Variants in SORBS2 observed in about 807,000 individuals in gnomAD.
SORBS2 encodes sorbin and SH3 domain-containing protein 2.
Under a neutral mutation model 97.7 loss-of-function variants are expected in SORBS2, and 46 were observed. The ratio of observed to expected loss-of-function variants is 0.47; its 90% CI spans 0.37 to 0.60. The LOEUF (loss-of-function observed/expected upper bound fraction) is 0.60, where lower values mean the gene tolerates loss of function less well. Ranked by LOEUF, SORBS2 falls within the 20% of genes least tolerant of loss-of-function variation. The pLI is 0.00. For missense variants in SORBS2, 1,316 were observed against 1,282.3 expected, an observed-to-expected ratio of 1.03 and a Z score of -0.40; for synonymous variants, 476 against 473.4, an observed-to-expected ratio of 1.01 and a Z score of -0.07.
chr4:185,884,465 A>G (rs1000316351), intron 1 of SORBS2, among the ~76,000 whole-genome samples: 1 of 152,226 alleles, frequency 6.6e-6, no homozygotes, highest in African/African-American at 2.4e-5. Flanking sequence ...TTAAAATAAA[A>G]AAGTTTTATT....
At chr4:185,843,520 T>C (rs1341147717) in intron 1 of SORBS2, among the ~76,000 whole-genome samples, 1 of 152,052 alleles carries the variant, frequency 6.6e-6, no homozygotes, top group Non-Finnish European at 1.5e-5. Flanking sequence ...TAAGTAAATA[T>C]AGAAAAATCA....
At chr4:185,612,001 A>G in intron 11 of SORBS2, 21 bp from the exon 24 acceptor site, 1 of 1,384,174 alleles carries the variant, frequency 7.2e-7, no homozygotes, top group Non-Finnish European at 1.0e-6. Context: ...TATGAGAAAA[A>G]TGCATTAGAA....
At chr4:185,851,229 C>A (rs1488773707) in intron 1 of SORBS2, among the ~76,000 whole-genome samples, 1 of 152,160 alleles carries the variant, frequency 6.6e-6, no homozygotes, top group Non-Finnish European at 1.5e-5. Flanking sequence ...TTGCCTCTGA[C>A]ATGGCTATTG....
At chr4:185,798,223 C>G (rs766535921) in intron 1 of SORBS2, among the ~76,000 whole-genome samples, 1 of 152,184 alleles carries the variant, frequency 6.6e-6, no homozygotes, top group Non-Finnish European at 1.5e-5. Flanking sequence ...ATCCTCCCAC[C>G]ACTCTTTAGG....
intron 2 of SORBS2, 131 bp downstream of exon 4, chr4:185,690,431 T>C: frequency 4.1e-6 from 2 of 489,108 alleles, no homozygotes; most frequent in Non-Finnish European, 7.2e-6. Context: ...AAGTAATGAA[T>C]CTATGCTATG....
intron 2 of SORBS2, among the ~76,000 whole-genome samples, chr4:185,691,458 CT>C (rs1184092407): frequency 1.3e-5 from 2 of 152,142 alleles, no homozygotes; most frequent in Non-Finnish European, 2.9e-5. Context: ...GTTAAGTGTC[CT>C]CTTCCAGAGT....
intron 4 of SORBS2, among the ~76,000 whole-genome samples, chr4:185,639,282 G>A (rs2097089021): frequency 6.6e-6 from 1 of 152,202 alleles, no homozygotes; most frequent in South Asian, 2.1e-4. Context: ...AGGGGATCTG[G>A]TTCTTCACAA....
rs1043685429 is a variant in SORBS2, at chr4:185,751,073, T to C, written c.-198+24154A>G. Reference sequence around the variant, plus strand: ...AACATACCACACGAAAAGTTCATGATACAGGATTTAAACAAGGGCTCAACA... The same window carrying C: ...AACATACCACACGAAAAGTTCATGACACAGGATTTAAACAAGGGCTCAACA... On this transcript the variant is annotated intron_variant, in intron 2 of 20. Coordinates refer to the SORBS2 transcript ENST00000284776. 3.3e-5 allele frequency among the ~76,000 whole-genome samples: 5 copies of C among 150,064 alleles called. No homozygotes were observed. The East Asian group carries it at 7.8e-4, about 23-fold the overall frequency.
chr4:185,870,295 A>G (rs974491648), intron 1 of SORBS2, among the ~76,000 whole-genome samples: 1 of 152,206 alleles, frequency 6.6e-6, no homozygotes, highest in African/African-American at 2.4e-5. Flanking sequence ...TCTTCAGGAG[A>G]CGAGACACTG....
intron 2 of SORBS2, among the ~76,000 whole-genome samples, chr4:185,715,370 C>G (rs1202878067): frequency 3.3e-5 from 5 of 151,558 alleles, no homozygotes; most frequent in Non-Finnish European, 7.4e-5. Context: ...CTCCTGTACC[C>G]CAAGGAGATA....
intron 2 of SORBS2, among the ~76,000 whole-genome samples, chr4:185,709,304 C>CT (rs70962587): frequency 0.018 from 1,789 of 96,794 alleles, 127 homozygotes; most frequent in African/African-American, 0.066. Context: ...CTGGCCAAAT[C>CT]TTTTTTTTTT....
chr4:185,675,691 T>A (rs771930212), intron 4 of SORBS2, among the ~76,000 whole-genome samples: 6 of 152,224 alleles, frequency 3.9e-5, no homozygotes, highest in Non-Finnish European at 8.8e-5. Flanking sequence ...AGTGCCTGCA[T>A]AGAGTAAGGC....
intron 6 of SORBS2, 32 bp from the exon 19 acceptor site, chr4:185,624,526 G>A (rs368080672): frequency 4.4e-5 from 68 of 1,555,494 alleles, no homozygotes; most frequent in Non-Finnish European, 5.0e-5. Flanking sequence ...GTAGAAGAGA[G>A]ACATTTGGAG....
At chr4:185,907,912 G>A (rs1046500237) in intron 1 of SORBS2, among the ~76,000 whole-genome samples, 11 of 152,044 alleles carry the variant, frequency 7.2e-5, no homozygotes, top group African/African-American at 2.7e-4. Context: ...ACAATTGTCT[G>A]CCTTTAAGAG....
intron 12 of SORBS2, among the ~76,000 whole-genome samples, chr4:185,610,247 G>A (rs2096511802): frequency 6.6e-6 from 1 of 152,168 alleles, no homozygotes; most frequent in Admixed American, 6.5e-5. Flanking sequence ...TGAAGGTACA[G>A]TTGCTTTGAA....
intron 2 of SORBS2, among the ~76,000 whole-genome samples, chr4:185,760,535 C>A (rs544066507): frequency 4.3e-4 from 65 of 152,280 alleles, no homozygotes; most frequent in Non-Finnish European, 6.6e-4. Flanking sequence ...TGCGCTCCAG[C>A]CTGGGCAACA....
At chr4:185,907,067 C>T (rs923387847) in intron 1 of SORBS2, among the ~76,000 whole-genome samples, 2 of 150,384 alleles carry the variant, frequency 1.3e-5, no homozygotes, top group Non-Finnish European at 2.9e-5. Flanking sequence ...ACCTTGGAGG[C>T]AGAGGTTGCA....
At chr4:185,683,651 G>A (rs946988923) in intron 2 of SORBS2, among the ~76,000 whole-genome samples, 5 of 152,020 alleles carry the variant, frequency 3.3e-5, no homozygotes, top group African/African-American at 9.7e-5. Flanking sequence ...ACCTTGCAAT[G>A]CATCTTGCAT....
chr4:185,600,308 C>G (rs73020259), intron 12 of SORBS2, among the ~76,000 whole-genome samples: 1 of 152,080 alleles, frequency 6.6e-6, no homozygotes, highest in Non-Finnish European at 1.5e-5. Flanking sequence ...AGGGAAGAGG[C>G]CAAGAACATA....
Sources: allele counts gnomAD v4.1 joint callset (sites outside exome capture counted in the v4.1 genomes callset), GRCh38; gene constraint gnomAD v4.1.1; transcripts MANE v1.5; gene names NCBI Gene and HGNC (gene_info 2026-07-23, HGNC 2026-07-21).